OCA2: variants seen among roughly 807,000 people sequenced by gnomAD.
OCA2 encodes OCA2 melanosomal transmembrane protein.
In OCA2, 77 loss-of-function variants were observed where a neutral mutation model predicts 100.2. That is an observed-to-expected ratio of 0.77 (90% CI 0.64 to 0.93). The LOEUF is 0.93. Among genes scored for constraint, OCA2 ranks in the 40% least tolerant of loss-of-function variants. OCA2 has a pLI of 0.00. For synonymous variants in OCA2, 432 were observed against 439.2 expected (o/e 0.98, Z 0.21); for missense variants, 1,062 against 1,089.1 (o/e 0.98, Z 0.35).
intron 2 of OCA2, among the ~76,000 whole-genome samples, chr15:28,045,428 ATG>A (rs1189164225): frequency 6.6e-6 from 1 of 152,184 alleles, no homozygotes; most frequent in Non-Finnish European, 1.5e-5. Context: ...ACATTTTTAC[ATG>A]TGATATGAGA....
chr15:28,078,846 T>C (rs1353774359), intron 2 of OCA2, among the ~76,000 whole-genome samples: 1 of 152,238 alleles, frequency 6.6e-6, no homozygotes, highest in Non-Finnish European at 1.5e-5. Context: ...CCAGCTTTCT[T>C]TATATGTATA....
chr15:27,778,652 AGTT>A (rs1383119731), intron 23 of OCA2, among the ~76,000 whole-genome samples: 2 of 152,176 alleles, frequency 1.3e-5, no homozygotes, highest in African/African-American at 4.8e-5. Flanking sequence ...AGAGAAGAAA[AGTT>A]GTGGAAATTT....
At chr15:28,087,769 A>G (rs913774126) in intron 1 of OCA2, among the ~76,000 whole-genome samples, 2 of 152,124 alleles carry the variant, frequency 1.3e-5, no homozygotes, top group African/African-American at 4.8e-5. Context: ...TAAAATAAAA[A>G]GTAAGTCCAG....
intron 13 of OCA2, among the ~76,000 whole-genome samples, chr15:27,984,096 T>C (rs552831010): frequency 6.6e-6 from 1 of 151,880 alleles, no homozygotes; most frequent in African/African-American, 2.4e-5. Flanking sequence ...TATCAATCTG[T>C]TCTTTACCCT....
chr15:27,924,725 T>G (rs529973224), intron 19 of OCA2, among the ~76,000 whole-genome samples: 1 of 152,246 alleles, frequency 6.6e-6, no homozygotes, highest in African/African-American at 2.4e-5. Flanking sequence ...AAATGTAATT[T>G]AACACAGTAA....
intron 19 of OCA2, among the ~76,000 whole-genome samples, chr15:27,908,041 C>T (rs747040231): frequency 1.4e-4 from 21 of 151,546 alleles, no homozygotes; most frequent in Non-Finnish European, 4.4e-5. Context: ...ACCTAAACCA[C>T]GTAAAGACTC....
chr15:27,877,650 T>G (rs2036847133), intron 19 of OCA2, among the ~76,000 whole-genome samples: 1 of 152,024 alleles, frequency 6.6e-6, no homozygotes, highest in African/African-American at 2.4e-5. Flanking sequence ...ATGCTATGTA[T>G]TTTTCCATTC....
At chr15:27,921,385 C>T (rs1350877408) in intron 19 of OCA2, among the ~76,000 whole-genome samples, 1 of 148,254 alleles carries the variant, frequency 6.7e-6, no homozygotes, top group Non-Finnish European at 1.5e-5. Context: ...AAAATAAAGG[C>T]ATTCACACAT....
chr15:27,780,662 A>C (rs760662972), intron 23 of OCA2, among the ~76,000 whole-genome samples: 2 of 152,192 alleles, frequency 1.3e-5, no homozygotes, highest in Non-Finnish European at 2.9e-5. Flanking sequence ...TCTGATGTGC[A>C]CTGTGCTTCT....
intron 18 of OCA2, among the ~76,000 whole-genome samples, chr15:27,951,276 G>A (rs920066179): frequency 6.6e-6 from 1 of 152,202 alleles, no homozygotes; most frequent in Non-Finnish European, 1.5e-5. Flanking sequence ...AGAAACCAAT[G>A]GTGGACGGTG....
At chr15:28,009,691 C>CACAT (rs1319334568) in intron 9 of OCA2, among the ~76,000 whole-genome samples, 3 of 130,892 alleles carry the variant, frequency 2.3e-5, no homozygotes, top group Non-Finnish European at 3.3e-5. Context: ...CTGTCACACA[C>CACAT]ACACACACAC....
intron 17 of OCA2, among the ~76,000 whole-genome samples, chr15:27,952,925 C>A (rs1012241664): frequency 6.6e-6 from 1 of 152,086 alleles, no homozygotes; most frequent in Non-Finnish European, 1.5e-5. Context: ...TCAAGCAATG[C>A]GTCCACCTCT....
chr15:27,965,060 A>G (rs974195725), intron 15 of OCA2, among the ~76,000 whole-genome samples: 2 of 152,178 alleles, frequency 1.3e-5, no homozygotes, highest in Non-Finnish European at 2.9e-5. Context: ...CCTGGGGATG[A>G]CGCTGAAAAT....
At chr15:27,871,472 C>T (rs2036571098) in intron 20 of OCA2, among the ~76,000 whole-genome samples, 1 of 152,242 alleles carries the variant, frequency 6.6e-6, no homozygotes. Flanking sequence ...CCCAGACCTG[C>T]CAGCCCCCTG....
At chr15:27,840,462 T>C (rs1379899767) in intron 23 of OCA2, among the ~76,000 whole-genome samples, 1 of 152,256 alleles carries the variant, frequency 6.6e-6, no homozygotes, top group African/African-American at 2.4e-5. Flanking sequence ...TTTTAAATTA[T>C]GTGTCTATTC....
chr15:27,762,954 A>G (rs1362020092), intron 23 of OCA2, among the ~76,000 whole-genome samples: 2 of 152,204 alleles, frequency 1.3e-5, no homozygotes, highest in Non-Finnish European at 2.9e-5. Context: ...AGTTCCATCC[A>G]TGTTGCCACA....
intron 1 of OCA2, among the ~76,000 whole-genome samples, chr15:28,082,300 G>A (rs570508541): frequency 2.0e-5 from 3 of 152,276 alleles, no homozygotes; most frequent in African/African-American, 7.2e-5. Flanking sequence ...ACCCCAACAC[G>A]CTGGACTCCC....
At chr15:27,814,683 G>A (rs147940131) in intron 23 of OCA2, among the ~76,000 whole-genome samples, 15 of 152,270 alleles carry the variant, frequency 9.9e-5, no homozygotes, top group African/African-American at 3.6e-4. Flanking sequence ...CTCGAGACCA[G>A]CCTGGCCAAC....
chr15:27,824,602 CTA>C (rs142689690), intron 23 of OCA2, among the ~76,000 whole-genome samples: 16 of 47,546 alleles, frequency 3.4e-4, no homozygotes, highest in South Asian at 1.5e-3. Flanking sequence ...CTCTCTCTCT[CTA>C]TATATATATA....
Sources: allele counts gnomAD v4.1 joint callset (sites outside exome capture counted in the v4.1 genomes callset), GRCh38; gene constraint gnomAD v4.1.1; transcripts MANE v1.5; gene names NCBI Gene and HGNC (gene_info 2026-07-23, HGNC 2026-07-21).